Variants in TNNI3K observed in about 807,000 individuals in gnomAD.
TNNI3K encodes TNNI3 interacting kinase, also known as serine/threonine-protein kinase TNNI3K.
A neutral mutation model predicts 114.5 loss-of-function variants in TNNI3K; 140 were observed. The ratio of observed to expected loss-of-function variants is 1.22; its 90% confidence interval spans 1.07 to 1.41. TNNI3K has a LOEUF of 1.41. Among genes scored for constraint, TNNI3K ranks in the 40% most tolerant of loss-of-function variants. TNNI3K has a pLI of 0.00. For synonymous variants in TNNI3K, 347 were observed against 347.5 expected (o/e 1.00, Z 0.02); for missense variants, 1,125 against 1,007.6 (o/e 1.12, Z -1.58).
intron 7 of TNNI3K, among the ~76,000 whole-genome samples, chr1:74,340,488 C>T (rs965418413): frequency 4.6e-5 from 7 of 152,080 alleles, no homozygotes; most frequent in Non-Finnish European, 8.8e-5. Context: ...GACATGTATA[C>T]GCATAAATTC....
At chr1:74,331,605 T>C in intron 6 of TNNI3K, 57 bp downstream of exon 6, 4 of 1,474,212 alleles carry the variant, frequency 2.7e-6, no homozygotes, top group East Asian at 2.3e-5. Flanking sequence ...TAGGCTTTTG[T>C]TGAATTGTCC....
At chr1:74,352,403 T>G (rs1197557039) in intron 9 of TNNI3K, among the ~76,000 whole-genome samples, 2 of 152,198 alleles carry the variant, frequency 1.3e-5, no homozygotes, top group Non-Finnish European at 2.9e-5. Context: ...CCAGTTAGGC[T>G]ACTCGGGGGT....
Position 74,544,147 on chromosome 1 carries a change from G to A in TNNI3K, c.*165G>A. 1.6e-6 allele frequency: 1 copy of A among 627,224 alleles called. No individual in the cohort carries two copies. The highest frequency in any genetic ancestry group is 2.6e-6 in the Non-Finnish European group (1 of 387,534). The allele number at this position is 627,224 out of a possible 1,614,324, so 38.9% of individuals were successfully genotyped here. A position where few individuals can be genotyped will look rare whatever the true frequency, so the allele number is the denominator to read the frequency against. ...TAATTCCCCACTATTAGCAGGCTTTGGATTTGTGCCTAAGGAATAATATGC... is the reference window on the plus strand; with the variant it reads ...TAATTCCCCACTATTAGCAGGCTTTAGATTTGTGCCTAAGGAATAATATGC... On this transcript the variant is annotated 3_prime_UTR_variant, in exon 25 of 25. Coordinates refer to ENST00000326637, the MANE Select transcript of TNNI3K (RefSeq NM_015978.3).
At chr1:74,460,906 ACT>A (rs1486329065) in intron 20 of TNNI3K, among the ~76,000 whole-genome samples, 7 of 152,144 alleles carry the variant, frequency 4.6e-5, no homozygotes, top group Admixed American at 3.3e-4. Context: ...CAAACAAGTA[ACT>A]CTATATTTTT....
chr1:74,249,686 C>A lies in TNNI3K; in HGVS notation c.235+142C>A, dbSNP rs375850251. 25 of 640,180 alleles carry A rather than the reference C, an allele frequency of 3.9e-5. 1 individual carries two copies. The highest frequency in any genetic ancestry group is 3.6e-4 in the African/African-American group (19 of 53,370). The allele number at this position is 640,180 out of a possible 1,614,324, so 39.7% of individuals were successfully genotyped here. A position where few individuals can be genotyped will look rare whatever the true frequency, so the allele number is the denominator to read the frequency against. On this transcript the variant is annotated intron_variant, in intron 3 of 24. Coordinates refer to ENST00000326637, the MANE Select transcript of TNNI3K (RefSeq NM_015978.3). ...TTGCCTTTTCCAACCTTGATAATCTCAGTTTAGGCAGTAACTATCAGGCAG... is the reference window on the plus strand; with the variant it reads ...TTGCCTTTTCCAACCTTGATAATCTAAGTTTAGGCAGTAACTATCAGGCAG...
chr1:74,470,433 A>G (rs1258959085), intron 21 of TNNI3K: 1 of 400,490 alleles, frequency 2.5e-6, no homozygotes, highest in Non-Finnish European at 4.4e-6. Context: ...TGGGCAATGC[A>G]TTTGTGCTGT....
chr1:74,266,471 A>G (rs1655996256), intron 4 of TNNI3K, among the ~76,000 whole-genome samples: 1 of 151,976 alleles, frequency 6.6e-6, no homozygotes, highest in South Asian at 2.1e-4. Flanking sequence ...ATTGATCACA[A>G]TCCACCCAGG....
chr1:74,245,445 G>T (rs1654495029), intron 2 of TNNI3K, among the ~76,000 whole-genome samples: 1 of 152,148 alleles, frequency 6.6e-6, no homozygotes, highest in Non-Finnish European at 1.5e-5. Flanking sequence ...GGTCCACGGT[G>T]CTCCCAGGAC....
At chr1:74,333,191 T>C (rs1660302466) in intron 6 of TNNI3K, among the ~76,000 whole-genome samples, 1 of 152,196 alleles carries the variant, frequency 6.6e-6, no homozygotes, top group Non-Finnish European at 1.5e-5. Context: ...TGCTCAATAG[T>C]CATTGTGCCT....
intron 20 of TNNI3K, among the ~76,000 whole-genome samples, chr1:74,445,310 G>A (rs550316662): frequency 2.1e-5 from 3 of 143,178 alleles, no homozygotes; most frequent in African/African-American, 7.9e-5. Context: ...GTGCTGGTGC[G>A]CTGCACCCAC....
intron 11 of TNNI3K, among the ~76,000 whole-genome samples, chr1:74,355,568 C>A (rs1227358883): frequency 6.6e-6 from 1 of 151,924 alleles, no homozygotes; most frequent in African/African-American, 2.4e-5. Context: ...CATGCCATTG[C>A]ACTCCAGCCT....
At chr1:74,480,824 T>C in intron 21 of TNNI3K, 1 of 717,612 alleles carries the variant, frequency 1.4e-6, no homozygotes, top group East Asian at 2.7e-5. Context: ...CGTAAGCCCA[T>C]GCAGGGCATC....
intron 20 of TNNI3K, among the ~76,000 whole-genome samples, chr1:74,447,435 A>G (rs1473481895): frequency 4.1e-5 from 6 of 147,430 alleles, no homozygotes; most frequent in Non-Finnish European, 8.8e-5. Flanking sequence ...CAACCCCATC[A>G]AAAAGTGGGC....
intron 21 of TNNI3K, among the ~76,000 whole-genome samples, chr1:74,477,535 C>A (rs1267860054): frequency 6.6e-6 from 1 of 151,990 alleles, no homozygotes; most frequent in African/African-American, 2.4e-5. Context: ...AGTTAGTAGA[C>A]CAAATAATGA....
At chr1:74,495,345 A>G (rs1400825027) in intron 23 of TNNI3K, among the ~76,000 whole-genome samples, 1 of 152,194 alleles carries the variant, frequency 6.6e-6, no homozygotes, top group Non-Finnish European at 1.5e-5. Flanking sequence ...GTCAAAATAG[A>G]AATTATGTAT....
chr1:74,369,423 A>T lies in TNNI3K; in HGVS notation c.1505A>T (p.Asp502Val). The change falls in exon 16 of 25, where the codon GAT (aspartate) becomes GTT (valine). Residue 502 changes from aspartate to valine, a missense_variant. Coordinates refer to ENST00000326637, the MANE Select transcript of TNNI3K (RefSeq NM_015978.3). ...YRANTYCSKS[D>V]VDMFCREVSI... Reference sequence around the variant, plus strand: ...GCCAATACCTACTGCTCCAAGTCAGATGTGGATATGTTTTGCCGAGAGGTG... The same window carrying T: ...GCCAATACCTACTGCTCCAAGTCAGTTGTGGATATGTTTTGCCGAGAGGTG... 1 of 1,611,792 alleles carries T rather than the reference A, an allele frequency of 6.2e-7. No homozygotes were observed. The highest frequency in any genetic ancestry group is 8.5e-7 in the Non-Finnish European group (1 of 1,178,890).
intron 21 of TNNI3K, among the ~76,000 whole-genome samples, chr1:74,466,246 C>T (rs1346147526): frequency 1.3e-5 from 2 of 152,214 alleles, no homozygotes; most frequent in East Asian, 3.9e-4. Flanking sequence ...ATTCTGGACA[C>T]ACTATGACAA....
intron 2 of TNNI3K, among the ~76,000 whole-genome samples, chr1:74,239,471 T>C (rs182609524): frequency 4.6e-5 from 7 of 152,210 alleles, no homozygotes; most frequent in African/African-American, 1.7e-4. Context: ...CCCTTATTCA[T>C]TTGTCTTATA....
intron 7 of TNNI3K, among the ~76,000 whole-genome samples, chr1:74,340,842 G>C (rs1660713444): frequency 6.6e-6 from 1 of 152,134 alleles, no homozygotes; most frequent in African/African-American, 2.4e-5. Context: ...CAAAGGAAAA[G>C]CTTTTTTAAA....
Sources: allele counts gnomAD v4.1 joint callset (sites outside exome capture counted in the v4.1 genomes callset), GRCh38; gene constraint gnomAD v4.1.1; transcripts MANE v1.5; gene names NCBI Gene and HGNC (gene_info 2026-07-23, HGNC 2026-07-21).